Variants in RHOQ observed in about 807,000 individuals in gnomAD.
The protein encoded by RHOQ is rho-related GTP-binding protein RhoQ.
Under a neutral mutation model 25.8 loss-of-function variants are expected in RHOQ, and 7 were observed. The ratio of observed to expected loss-of-function variants is 0.27; its 90% CI spans 0.15 to 0.51. The LOEUF is 0.51. RHOQ is among the 20% of genes least tolerant of loss of function. The pLI is 0.97. For synonymous variants in RHOQ, 97 were observed against 98.6 expected (o/e 0.98, Z 0.10); for missense variants, 165 against 260.6 (o/e 0.63, Z 2.53).
Position 46,555,048 on chromosome 2 carries a change from A to G in RHOQ, c.201+11236A>G, listed in dbSNP as rs1668372498. On this transcript the variant is annotated intron_variant, in intron 2 of 4. Coordinates refer to ENST00000238738, the MANE Select transcript of RHOQ (RefSeq NM_012249.4). This position sits in a 1 kb window ranked among gnomAD's most constrained non-coding sequence, Gnocchi z 4.3. ...CTCCTTGGCCCTGGAGGAATGGGGA[A>G]GGGACTGGACACGAGGAGGGACAGA... Among the ~76,000 whole-genome samples, 1 of 152,194 alleles carries G rather than the reference A, an allele frequency of 6.6e-6. No homozygotes were observed. The highest frequency in any genetic ancestry group is 2.1e-4 in the South Asian group (1 of 4,828).
At position 46,576,345 on chromosome 2, in the gene RHOQ, G is replaced by A. The variant is rs1669127347; in HGVS notation, c.366+94G>A. 7 of 1,131,746 alleles carry A rather than the reference G, an allele frequency of 6.2e-6. No homozygotes were observed. In the African/African-American group the frequency reaches 7.8e-5, roughly 13 times the overall value. 70.1% of individuals were successfully genotyped at this position (1,131,746 alleles called of 1,614,324 possible). On this transcript the variant is annotated intron_variant, in intron 3 of 4. Transcript: ENST00000238738. The surrounding 1 kb of genome is among the most constrained non-coding windows in gnomAD (Gnocchi z 5.1). ...CAAACAGTCCCAAAGCTGAGCAAAT[G>A]ATGTAAGTGTTTAATCTCAGCTGCA... is the stretch of plus-strand genomic sequence containing the variant.
Position 46,581,760 on chromosome 2 carries a change from T to A in RHOQ, c.*677T>A. 1 of 960,882 alleles carries A rather than the reference T, an allele frequency of 1.0e-6. No individual in the cohort carries two copies. The highest frequency in any genetic ancestry group is 1.5e-6 in the Non-Finnish European group (1 of 689,386). 59.5% of individuals were successfully genotyped at this position (960,882 alleles called of 1,614,324 possible). Reference sequence around the variant, plus strand: ...ATCATGAACACTAAAAATGTACACATTTTAGTTAATGTGCATTAAACTGTA... The same window carrying A: ...ATCATGAACACTAAAAATGTACACAATTTAGTTAATGTGCATTAAACTGTA... On this transcript the variant is annotated 3_prime_UTR_variant, in exon 5 of 5. Transcript: ENST00000238738.
intron 2 of RHOQ, among the ~76,000 whole-genome samples, chr2:46,544,693 A>G (rs991490249): frequency 6.6e-6 from 1 of 152,236 alleles, no homozygotes; most frequent in Non-Finnish European, 1.5e-5. Context: ...AGAATCCAGC[A>G]CTATGATTAG....
At chr2:46,554,066 C>A (rs916426625) in intron 2 of RHOQ, among the ~76,000 whole-genome samples, 1 of 151,496 alleles carries the variant, frequency 6.6e-6, no homozygotes, top group Non-Finnish European at 1.5e-5. Context: ...TTTACTTAAT[C>A]ATCTCCAGTT....
In RHOQ at chr2:46,543,104, G is replaced by A; in HGVS notation, c.58G>A (p.Val20Met). 1 of 1,609,862 alleles carries A rather than the reference G, an allele frequency of 6.2e-7. No homozygotes were observed. Among genetic ancestry groups the A allele is most frequent in the Non-Finnish European group, 8.5e-7 (1 of 1,178,342 alleles). Reference sequence around the variant, plus strand: ...GTGCGTGGTGGTCGGCGACGGGGCGGTGGGCAAGACGTGCCTACTCATGAG... The same window carrying A: ...GTGCGTGGTGGTCGGCGACGGGGCGATGGGCAAGACGTGCCTACTCATGAG... ...LKCVVVGDGAVGKTCLLMSYA... is the reference protein window; with the variant it reads ...LKCVVVGDGAMGKTCLLMSYA... Residue 20 changes from valine to methionine, a missense_variant, in exon 1 of 5, where the codon GTG becomes ATG. Transcript: ENST00000238738.
intron 2 of RHOQ, among the ~76,000 whole-genome samples, chr2:46,547,998 C>T (rs1011710282): frequency 6.6e-6 from 1 of 152,114 alleles, no homozygotes; most frequent in African/African-American, 2.4e-5. Flanking sequence ...TATTCAGGTC[C>T]CAGAATATCC....
chr2:46,549,618 T>A (rs1369086254), intron 2 of RHOQ, among the ~76,000 whole-genome samples: 1 of 152,206 alleles, frequency 6.6e-6, no homozygotes, highest in Non-Finnish European at 1.5e-5. Context: ...CAGCTGTATT[T>A]CCTTTCTCTC....
chr2:46,572,107 G>GTTTTTTTTTTTTTTTTTT (rs746265771), intron 2 of RHOQ, among the ~76,000 whole-genome samples: 1 of 66,254 alleles, frequency 1.5e-5, no homozygotes, highest in African/African-American at 8.4e-5. Context: ...GTAAGTGTGT[G>GTTTTTTTTTTTTTTTTTT]TTTTTTTTTT....
intron 2 of RHOQ, among the ~76,000 whole-genome samples, chr2:46,571,029 C>G (rs1668896869): frequency 1.3e-5 from 2 of 152,166 alleles, no homozygotes; most frequent in African/African-American, 4.8e-5. Context: ...GACAGAGAAA[C>G]TAAGGCCCTA....
intron 2 of RHOQ, among the ~76,000 whole-genome samples, chr2:46,545,633 A>AG (rs1281172631): frequency 6.6e-6 from 1 of 152,154 alleles, no homozygotes; most frequent in Non-Finnish European, 1.5e-5. Context: ...ACAGCTACTG[A>AG]GGGGTGTTGC....
At chr2:46,565,267 G>A (rs1668696294) in intron 2 of RHOQ, among the ~76,000 whole-genome samples, 2 of 152,160 alleles carry the variant, frequency 1.3e-5, no homozygotes, top group Non-Finnish European at 2.9e-5. Flanking sequence ...GGGTCCCCAG[G>A]GGCATGTGTC....
intron 2 of RHOQ, among the ~76,000 whole-genome samples, chr2:46,563,820 T>C (rs1020276324): frequency 3.3e-5 from 5 of 151,982 alleles, no homozygotes; most frequent in African/African-American, 1.2e-4. Flanking sequence ...TCCTCTTTTT[T>C]TCTCTTTTTC....
intron 4 of RHOQ, among the ~76,000 whole-genome samples, chr2:46,578,777 A>G (rs1669232987): frequency 6.6e-6 from 1 of 151,646 alleles, no homozygotes; most frequent in Admixed American, 6.6e-5. Flanking sequence ...ATAAATAAAT[A>G]ATGGTGGACT....
chr2:46,544,958 G>C (rs1035458444), intron 2 of RHOQ, among the ~76,000 whole-genome samples: 2 of 152,190 alleles, frequency 1.3e-5, no homozygotes, highest in Non-Finnish European at 2.9e-5. Context: ...GTCTAGATTT[G>C]GATTTCAGAA....
intron 4 of RHOQ, among the ~76,000 whole-genome samples, chr2:46,577,807 G>C (rs979220960): frequency 6.6e-6 from 1 of 151,852 alleles, no homozygotes; most frequent in Non-Finnish European, 1.5e-5. Flanking sequence ...AAAATAAATG[G>C]CTTTACTAAC....
chr2:46,544,166 C>T (rs997066268), intron 2 of RHOQ, among the ~76,000 whole-genome samples: 1 of 152,150 alleles, frequency 6.6e-6, no homozygotes, highest in Non-Finnish European at 1.5e-5. Flanking sequence ...CCCCCCACAG[C>T]CTCTGTCTGG....
intron 2 of RHOQ, among the ~76,000 whole-genome samples, chr2:46,563,864 G>T (rs190651009): frequency 1.4e-3 from 217 of 152,010 alleles, no homozygotes; most frequent in Non-Finnish European, 1.9e-3. Context: ...TGTTGCCCAG[G>T]CTGGTCTCAA....
In RHOQ at chr2:46,552,997, G is replaced by A. The variant is rs1224858572; in HGVS notation, c.201+9185G>A. On this transcript the variant is annotated intron_variant, in intron 2 of 4. Coordinates refer to ENST00000238738, the MANE Select transcript of RHOQ (RefSeq NM_012249.4). This position sits in a 1 kb window ranked among gnomAD's most constrained non-coding sequence, Gnocchi z 5.0. Reference sequence around the variant, plus strand: ...TTACACGTACTAGATGCTCAGCGAGGCCTTGAATGGTGGCACTGGTTCTCA... The same window carrying A: ...TTACACGTACTAGATGCTCAGCGAGACCTTGAATGGTGGCACTGGTTCTCA... Among the ~76,000 whole-genome samples the A allele has an allele frequency of 1.3e-5, 2 of 152,202 alleles. No individual in the cohort carries two copies. Among genetic ancestry groups the A allele is most frequent in the South Asian group, 2.1e-4 (1 of 4,828 alleles).
intron 2 of RHOQ, among the ~76,000 whole-genome samples, chr2:46,557,575 A>G (rs1668444653): frequency 6.6e-6 from 1 of 152,230 alleles, no homozygotes; most frequent in African/African-American, 2.4e-5. Context: ...GGTGGTGACC[A>G]TGAATAATTT....
Sources: allele counts gnomAD v4.1 joint callset (sites outside exome capture counted in the v4.1 genomes callset), GRCh38; gene constraint gnomAD v4.1.1; non-coding constraint Gnocchi (gnomAD v3.1); transcripts MANE v1.5; gene names NCBI Gene and HGNC (gene_info 2026-07-23, HGNC 2026-07-21).